The following XRCC4 variants were observed in gnomAD, a reference collection of about 807,000 sequenced individuals.
The protein encoded by XRCC4 is X-ray repair cross complementing 4.
Under a neutral mutation model 39.1 loss-of-function variants are expected in XRCC4, and 28 were observed. The observed-to-expected ratio is 0.72, with a 90% confidence interval of 0.53 to 0.98. The LOEUF is 0.98. XRCC4 is among the 50% of genes least tolerant of loss of function. The probability of loss-of-function intolerance (pLI) is 0.00; values close to 1 mark genes in which losing one functional copy is unlikely to be tolerated. For synonymous variants in XRCC4, 123 were observed against 126.4 expected (o/e 0.97, Z 0.18); for missense variants, 350 against 376.4 (o/e 0.93, Z 0.58).
At chr5:83,150,593 A>G (rs1748657715) in intron 3 of XRCC4, among the ~76,000 whole-genome samples, 1 of 152,192 alleles carries the variant, frequency 6.6e-6, no homozygotes, top group Non-Finnish European at 1.5e-5. Flanking sequence ...TCTAGGTGTT[A>G]ACTAATGACT....
chr5:83,221,745 GTATT>G (rs956823554), intron 6 of XRCC4, among the ~76,000 whole-genome samples: 73 of 151,604 alleles, frequency 4.8e-4, no homozygotes, highest in Non-Finnish European at 8.3e-4. Context: ...AGGTTATTAA[GTATT>G]TATTTAATAA....
downstream of XRCC4, among the ~76,000 whole-genome samples, chr5:83,354,493 G>A (rs1757167494): frequency 6.6e-6 from 1 of 152,124 alleles, no homozygotes; most frequent in Non-Finnish European, 1.5e-5. Context: ...ATATACATGG[G>A]TGTATGTATA....
chr5:83,158,331 A>G (rs1198514107), intron 3 of XRCC4, among the ~76,000 whole-genome samples: 3 of 152,142 alleles, frequency 2.0e-5, no homozygotes, highest in African/African-American at 7.2e-5. Flanking sequence ...GAAAACAACT[A>G]TCCTACATAT....
chr5:83,240,206 T>C (rs1220193580), intron 6 of XRCC4, among the ~76,000 whole-genome samples: 1 of 152,006 alleles, frequency 6.6e-6, no homozygotes, highest in Admixed American at 6.6e-5. Context: ...TGTAAAAATA[T>C]AGGACATATT....
At chr5:83,207,932 T>C (rs1158238453) in intron 6 of XRCC4, among the ~76,000 whole-genome samples, 1 of 152,022 alleles carries the variant, frequency 6.6e-6, no homozygotes, top group Non-Finnish European at 1.5e-5. Flanking sequence ...ATTTTAGATA[T>C]TGCAATTTCC....
At chr5:83,278,236 G>T (rs1020777298) in intron 7 of XRCC4, among the ~76,000 whole-genome samples, 2 of 152,158 alleles carry the variant, frequency 1.3e-5, no homozygotes, top group Non-Finnish European at 1.5e-5. Flanking sequence ...AGATTGAAGC[G>T]GTAGTCTTCA....
chr5:83,085,260 AG>A (rs1745128243), intron 1 of XRCC4, among the ~76,000 whole-genome samples: 2 of 152,274 alleles, frequency 1.3e-5, no homozygotes, highest in South Asian at 4.1e-4. Context: ...AACCTGTCAA[AG>A]TCTTGACAGT....
chr5:83,322,570 G>C (rs1316076096), intron 7 of XRCC4, among the ~76,000 whole-genome samples: 1 of 152,132 alleles, frequency 6.6e-6, no homozygotes, highest in Non-Finnish European at 1.5e-5. Flanking sequence ...AGACTTTGTG[G>C]GTGTGATCAA....
chr5:83,361,899 C>T, the XRCC4 span, among the ~76,000 whole-genome samples: 1 of 152,084 alleles, frequency 6.6e-6, no homozygotes, highest in African/African-American at 2.4e-5. Flanking sequence ...CAACATATAT[C>T]CATAGAGTCC....
At chr5:83,361,069 A>T in the XRCC4 span, among the ~76,000 whole-genome samples, 1 of 152,178 alleles carries the variant, frequency 6.6e-6, no homozygotes, top group Non-Finnish European at 1.5e-5. Flanking sequence ...TGCTTCTGAC[A>T]GCTATTGACT....
chr5:83,222,963 G>T (rs528220791), intron 6 of XRCC4, among the ~76,000 whole-genome samples: 10 of 152,178 alleles, frequency 6.6e-5, no homozygotes, highest in Non-Finnish European at 1.3e-4. Flanking sequence ...GCTTAGGCTG[G>T]TCTTGAGTTC....
intron 3 of XRCC4, among the ~76,000 whole-genome samples, chr5:83,145,581 A>G (rs1382954561): frequency 1.3e-5 from 2 of 152,226 alleles, no homozygotes; most frequent in African/African-American, 4.8e-5. Flanking sequence ...TTTAGAGTTT[A>G]GCAAGAGATT....
chr5:83,318,276 T>A (rs1167132723), intron 7 of XRCC4, among the ~76,000 whole-genome samples: 1 of 127,552 alleles, frequency 7.8e-6, no homozygotes, highest in Non-Finnish European at 1.5e-5. Context: ...CTGGAAGCAT[T>A]CCCTTTGAAA....
chr5:83,270,793 A>ATATGTATATATGTATATAT lies in XRCC4; in HGVS notation c.893+12117_893+12118insATGTATATATGTATATATT, dbSNP rs1554070594. On this transcript the variant is annotated intron_variant, in intron 7 of 7. Transcript: ENST00000396027. ...AATATATACATATATATATGTATAT[A>ATATGTATATATGTATATAT]TTTTTTTTTTGAGACAGAGTCTCAC... is the stretch of plus-strand genomic sequence containing the variant. 2.1e-5 allele frequency among the ~76,000 whole-genome samples: 3 copies of ATATGTATATATGTATATAT among 144,214 alleles called. 1 individual carries two copies. Among genetic ancestry groups the ATATGTATATATGTATATAT allele is most frequent in the African/African-American group, 7.7e-5 (3 of 39,112 alleles). The allele number at this position is 144,214 out of a possible 152,430, so 94.6% of individuals were successfully genotyped here. A position where few individuals can be genotyped will look rare whatever the true frequency, so the allele number is the denominator to read the frequency against.
In XRCC4 at chr5:83,121,720, CT is replaced by C. The variant is rs992142922; in HGVS notation, c.315+10525del. On this transcript the variant is annotated intron_variant, in intron 3 of 7. Coordinates refer to ENST00000396027, the MANE Select transcript of XRCC4 (RefSeq NM_003401.5). The stretch of plus-strand genomic sequence containing the variant: ...TAATTTCTTAACTTTGAGGAACTTA[CT>C]TTTTTTTCTTTTATTAATCATGCTT... Among the ~76,000 whole-genome samples the C allele has an allele frequency of 3.9e-5, 6 of 152,054 alleles. No homozygotes were observed. The South Asian group carries it at 8.3e-4, about 21-fold the overall frequency.
Position 83,182,767 on chromosome 5 carries a change from C to A in XRCC4, c.316-13003C>A, listed in dbSNP as rs561975693. Among the ~76,000 whole-genome samples, 6 of 152,188 alleles carry A rather than the reference C, an allele frequency of 3.9e-5. No homozygotes were observed. In the South Asian group the frequency reaches 1.0e-3, roughly 26 times the overall value. On this transcript the variant is annotated intron_variant, in intron 3 of 7. Transcript: ENST00000396027. Reference sequence around the variant, plus strand: ...AGTGCTCTTATAAAAGAGGCCTGAGCGAGGCTATTGGCCCTTTGTTTCTCC... The same window carrying A: ...AGTGCTCTTATAAAAGAGGCCTGAGAGAGGCTATTGGCCCTTTGTTTCTCC...
intron 2 of XRCC4, 22 bp downstream of exon 2, chr5:83,105,080 T>C: frequency 6.3e-7 from 1 of 1,591,954 alleles, no homozygotes; most frequent in South Asian, 1.1e-5. Flanking sequence ...AACAAAGTTT[T>C]TATAAGTAAA....
intron 7 of XRCC4, among the ~76,000 whole-genome samples, chr5:83,322,395 C>T (rs892036551): frequency 6.6e-6 from 1 of 151,988 alleles, no homozygotes; most frequent in Non-Finnish European, 1.5e-5. Context: ...TATATAGTAC[C>T]TACTCTGTGC....
intron 7 of XRCC4, among the ~76,000 whole-genome samples, chr5:83,298,181 G>T (rs1755157676): frequency 1.3e-5 from 2 of 151,228 alleles, no homozygotes; most frequent in African/African-American, 2.4e-5. Flanking sequence ...CCAGTCCTTT[G>T]AAGTTTGTTG....
Sources: gnomAD v4.1 joint callset for allele counts (sites outside exome capture counted in the v4.1 genomes callset) on GRCh38, gnomAD v4.1.1 for gene constraint, MANE v1.5 for transcripts, NCBI Gene and HGNC (gene_info 2026-07-23, HGNC 2026-07-21) for gene names.